Variants in LIMS2 observed in about 807,000 individuals in gnomAD.
LIMS2 encodes LIM zinc finger domain containing 2, also known as LIM and senescent cell antigen-like-containing domain protein 2.
Under a neutral mutation model 45.3 loss-of-function variants are expected in LIMS2, and 30 were observed. The ratio of observed to expected loss-of-function variants is 0.66; its 90% CI spans 0.50 to 0.90. The LOEUF (loss-of-function observed/expected upper bound fraction) is 0.90, where lower values mean the gene tolerates loss of function less well. Ranked by LOEUF, LIMS2 falls within the 40% of genes least tolerant of loss-of-function variation. LIMS2 has a pLI of 0.00. For missense variants in LIMS2, 485 were observed against 468.7 expected, an observed-to-expected ratio of 1.03 and a Z score of -0.32; for synonymous variants, 173 against 188.0, an observed-to-expected ratio of 0.92 and a Z score of 0.65.
chr2:127,642,622 C>T lies in LIMS2; in HGVS notation c.509+301G>A. 1 of 432,076 alleles carries T rather than the reference C, an allele frequency of 2.3e-6. No individual in the cohort carries two copies. Among genetic ancestry groups the T allele is most frequent in the Non-Finnish European group, 4.2e-6 (1 of 238,920 alleles). 26.8% of individuals were successfully genotyped at this position (432,076 alleles called of 1,614,324 possible). The stretch of plus-strand genomic sequence containing the variant: ...CTCCCGGTCTCTTGCCCTGCCCCCT[C>T]AGGTCCCTTCCACTGCTCCATCTCA... On this transcript the variant is annotated intron_variant, in intron 5 of 9. Transcript: ENST00000355119. This position sits in a 1 kb window ranked among gnomAD's most constrained non-coding sequence, Gnocchi z 5.3.
At chr2:127,655,704 C>T (rs911668944) in intron 2 of LIMS2, 46 of 152,252 alleles carry the variant, frequency 3.0e-4, no homozygotes, top group African/African-American at 1.1e-3. Context: ...GCTTTGCCCA[C>T]CCCTCCCGCT....
intron 4 of LIMS2, among the ~76,000 whole-genome samples, chr2:127,644,671 C>T (rs1682776225): frequency 6.6e-6 from 1 of 152,248 alleles, no homozygotes; most frequent in Non-Finnish European, 1.5e-5. Flanking sequence ...CAGGAATCAG[C>T]TCAACGCCTC....
intron 6 of LIMS2, 45 bp from the exon 7 acceptor site, chr2:127,641,033 G>T: frequency 1.3e-6 from 2 of 1,532,516 alleles, no homozygotes; most frequent in Non-Finnish European, 9.0e-7. Context: ...GGCTAGAGCG[G>T]TGACCCCGAG....
At chr2:127,663,303 T>A (rs1573834605) in intron 1 of LIMS2, among the ~76,000 whole-genome samples, 1 of 151,874 alleles carries the variant, frequency 6.6e-6, no homozygotes, top group African/African-American at 2.4e-5. Flanking sequence ...AGTCTGGGGG[T>A]CCCCACCTGA....
In LIMS2 at chr2:127,642,003, G is replaced by A; in HGVS notation, c.660+46C>T. 1.9e-6 allele frequency: 3 copies of A among 1,594,100 alleles called. No individual in the cohort carries two copies. The highest frequency in any genetic ancestry group is 2.6e-6 in the Non-Finnish European group (3 of 1,170,168). ...AGGGCTCTTACCATGACCCTGAGCT[G>A]GGGCACCCCCCAACCTGAGGCCACG... On this transcript the variant is annotated intron_variant, in intron 6 of 9. Transcript: ENST00000355119. This position sits in a 1 kb window ranked among gnomAD's most constrained non-coding sequence, Gnocchi z 5.3.
At chr2:127,640,597 A>C (rs1682307131) in intron 7 of LIMS2, 2 of 599,266 alleles carry the variant, frequency 3.3e-6, no homozygotes, top group Non-Finnish European at 5.9e-6. Flanking sequence ...ACTGCATCCC[A>C]CCAGCGCCCC....
chr2:127,665,986 G>C (rs1684979746), intron 1 of LIMS2, among the ~76,000 whole-genome samples: 2 of 152,160 alleles, frequency 1.3e-5, no homozygotes, highest in South Asian at 4.1e-4. Context: ...GGACATCGAA[G>C]GCTAGAAATT....
chr2:127,650,729 C>A, intron 4 of LIMS2: 1 of 1,604,464 alleles, frequency 6.2e-7, no homozygotes, highest in Non-Finnish European at 8.5e-7. Flanking sequence ...CTGACTCCAG[C>A]CAAAGCATGA....
upstream of LIMS2, among the ~76,000 whole-genome samples, chr2:127,680,075 A>G (rs1042221139): frequency 6.6e-6 from 1 of 152,224 alleles, no homozygotes; most frequent in Non-Finnish European, 1.5e-5. Flanking sequence ...CCGAATATCA[A>G]CACAAAGTTC....
chr2:127,643,358 G>A, intron 4 of LIMS2: 1 of 519,664 alleles, frequency 1.9e-6, no homozygotes, highest in South Asian at 1.7e-5. Flanking sequence ...CCTGGGGCAT[G>A]CTGCAGAATA....
At chr2:127,649,035 AAG>A (rs1415225453) in intron 4 of LIMS2, among the ~76,000 whole-genome samples, 3 of 110,802 alleles carry the variant, frequency 2.7e-5, no homozygotes, top group Non-Finnish European at 6.2e-5. Context: ...AAGAAAGAAA[AAG>A]AAAGAAAGAG....
rs1683834760 is a variant in LIMS2, at chr2:127,651,820, C to T, written c.359+2604G>A. The T allele has an allele frequency of 6.1e-6, 9 of 1,467,964 alleles. No individual in the cohort carries two copies. In the Admixed American group the frequency reaches 1.8e-4, roughly 29 times the overall value. 90.9% of individuals were successfully genotyped at this position (1,467,964 alleles called of 1,614,324 possible). On this transcript the variant is annotated intron_variant, in intron 4 of 9. Transcript: ENST00000355119. ...ACTCAGCAGACCCAGCAAGAGGCATCTGCCCTTTCCCCAGCCACCTCCCCA... is the reference window on the plus strand; with the variant it reads ...ACTCAGCAGACCCAGCAAGAGGCATTTGCCCTTTCCCCAGCCACCTCCCCA...
chr2:127,654,493 G>C lies in LIMS2; in HGVS notation c.290C>G (p.Pro97Arg). The change falls in exon 4 of 10, where the codon CCG (proline) becomes CGG (arginine). Residue 97 changes from proline (P) to arginine (R), a missense_variant. Physicochemically the swap from Pro to Arg is moderately radical, Grantham distance 103. Coordinates refer to ENST00000355119, the MANE Select transcript of LIMS2 (RefSeq NM_001161403.3). Reference sequence around the variant, plus strand: ...ACACAGCTCGCAGCGGAAGCAGCCCGGGTGCCAGTTGTTGTTCATGGCCTT... The same window carrying C: ...ACACAGCTCGCAGCGGAAGCAGCCCCGGTGCCAGTTGTTGTTCATGGCCTT... ...VIKAMNNNWH[P>R]GCFRCELCDV... The C allele has an allele frequency of 6.2e-7, 1 of 1,614,130 alleles. No homozygotes were observed. Among genetic ancestry groups the C allele is most frequent in the Non-Finnish European group, 8.5e-7 (1 of 1,179,998 alleles).
chr2:127,671,790 G>A lies in LIMS2; in HGVS notation c.11+3224C>T, dbSNP rs1324879166. Among the ~76,000 whole-genome samples, 2 of 152,238 alleles carry A rather than the reference G, an allele frequency of 1.3e-5. No homozygotes were observed. Among genetic ancestry groups the A allele is most frequent in the Non-Finnish European group, 2.9e-5 (2 of 68,034 alleles). The stretch of plus-strand genomic sequence containing the variant: ...ATGGCAGTGCCACCTGGCCCAGTCT[G>A]GGGCTCAGGGCTCAGTGGTGCCACA... On this transcript the variant is annotated intron_variant, in intron 1 of 9. Transcript: ENST00000355119. The surrounding 1 kb of genome is among the most constrained non-coding windows in gnomAD (Gnocchi z 4.1).
At chr2:127,657,334 C>A in intron 2 of LIMS2, 69 bp downstream of exon 2, 1 of 1,588,082 alleles carries the variant, frequency 6.3e-7, no homozygotes, top group Non-Finnish European at 8.6e-7. Flanking sequence ...CTGCATGGAG[C>A]CCGGCCCACC....
At position 127,648,247 on chromosome 2, in the gene LIMS2, G is replaced by A. The variant is rs1683214134; in HGVS notation, c.360-5175C>T. The A allele has an allele frequency of 5.2e-6, 5 of 969,998 alleles. No individual in the cohort carries two copies. In the South Asian group the frequency reaches 2.4e-4, roughly 46 times the overall value. The allele number at this position is 969,998 out of a possible 1,614,324, so 60.1% of individuals were successfully genotyped here. Reference sequence around the variant, plus strand: ...ACCATCTCTGGTGTTAGAACTTCAGGCATCTTGAAACACTCTGAAGCCGGG... The same window carrying A: ...ACCATCTCTGGTGTTAGAACTTCAGACATCTTGAAACACTCTGAAGCCGGG... On this transcript the variant is annotated intron_variant, in intron 4 of 9. Coordinates refer to ENST00000355119, the MANE Select transcript of LIMS2 (RefSeq NM_001161403.3).
In LIMS2 at chr2:127,640,463, T is replaced by C; in HGVS notation, c.754-145A>G. On this transcript the variant is annotated intron_variant, in intron 7 of 9. Transcript: ENST00000355119. ...CCCAGGGCCCAGCTGCAAGGCTGGG[T>C]TGAGGGCACGGCAACCCATGAGAAC... 5 of 862,956 alleles carry C rather than the reference T, an allele frequency of 5.8e-6. No individual in the cohort carries two copies. The South Asian group carries it at 6.2e-5, about 11-fold the overall frequency. 53.5% of individuals were successfully genotyped at this position (862,956 alleles called of 1,614,324 possible).
chr2:127,648,920 G>C (rs1379364395), intron 4 of LIMS2, among the ~76,000 whole-genome samples: 12 of 125,602 alleles, frequency 9.6e-5, no homozygotes, highest in African/African-American at 3.6e-4. Context: ...CCTTGAAAAA[G>C]AGAAAGAAAA....
Position 127,664,679 on chromosome 2 carries a change from C to T in LIMS2, c.12-7117G>A. ...GGGAGGGGACTGGTCTGGGAAGGCC[C>T]CAGACAGCACTGAGGTGAGGTCCAC... On this transcript the variant is annotated intron_variant, in intron 1 of 9. Transcript: ENST00000355119. This position sits in a 1 kb window ranked among gnomAD's most constrained non-coding sequence, Gnocchi z 5.5. 6.3e-6 allele frequency: 6 copies of T among 959,156 alleles called. No homozygotes were observed. The highest frequency in any genetic ancestry group is 7.6e-6 in the Non-Finnish European group (6 of 787,362). The allele number at this position is 959,156 out of a possible 1,614,324, so 59.4% of individuals were successfully genotyped here.
Sources: allele counts gnomAD v4.1 joint callset (sites outside exome capture counted in the v4.1 genomes callset), GRCh38; gene constraint gnomAD v4.1.1; non-coding constraint Gnocchi (gnomAD v3.1); transcripts MANE v1.5; gene names NCBI Gene and HGNC (gene_info 2026-07-23, HGNC 2026-07-21).